The following SMURF1 variants were observed in gnomAD, a reference collection of about 807,000 sequenced individuals.
The protein encoded by SMURF1 is E3 ubiquitin-protein ligase SMURF1.
SMURF1 carries 44 observed loss-of-function variants against 98.0 expected under a neutral mutation model. The observed-to-expected ratio is 0.45, with a 90% CI of 0.35 to 0.58. The LOEUF is 0.58. SMURF1 is among the 20% of genes least tolerant of loss of function. SMURF1 has a pLI of 0.00. For missense variants in SMURF1, 687 were observed against 938.4 expected (o/e 0.73, Z 3.50); for synonymous variants, 396 against 374.9 (o/e 1.06, Z -0.65).
At chr7:99,040,233 CCT>C (rs1795320172) in intron 13 of SMURF1, 143 bp downstream of exon 13, 7 of 891,634 alleles carry the variant, frequency 7.9e-6, no homozygotes, top group South Asian at 3.8e-5. Flanking sequence ...CAAAAAATCC[CCT>C]TTTTTTGTTT....
intron 1 of SMURF1, among the ~76,000 whole-genome samples, chr7:99,108,595 G>A (rs1296034993): frequency 2.2e-5 from 2 of 89,158 alleles, no homozygotes; most frequent in African/African-American, 7.9e-5. Flanking sequence ...CTGGGCAATA[G>A]AGAGAAACTC....
intron 1 of SMURF1, among the ~76,000 whole-genome samples, chr7:99,115,631 A>T (rs1416558389): frequency 6.6e-6 from 1 of 152,142 alleles, no homozygotes; most frequent in African/African-American, 2.4e-5. Context: ...CTTAAAAAAA[A>T]ATACTATGAA....
chr7:99,081,625 T>G (rs1383590890), intron 1 of SMURF1, among the ~76,000 whole-genome samples: 1 of 152,154 alleles, frequency 6.6e-6, no homozygotes, highest in Non-Finnish European at 1.5e-5. Flanking sequence ...TTTCACCACA[T>G]TCTAGCCACC....
At chr7:99,051,032 T>G in intron 8 of SMURF1, 17 of 1,456,988 alleles carry the variant, frequency 1.2e-5, no homozygotes, top group Non-Finnish European at 1.4e-5. Context: ...AGAGAAAGGG[T>G]AACAGAGTCT....
In SMURF1 at chr7:99,046,731, CAAAAAAAAA is replaced by C. The variant is rs56788889; in HGVS notation, c.1153-939_1153-931del. 6.6e-3 allele frequency among the ~76,000 whole-genome samples: 490 copies of C among 74,674 alleles called. 8 individuals carry two copies. The highest frequency in any genetic ancestry group is 0.025 in the African/African-American group (466 of 18,444). 49.0% of individuals were successfully genotyped at this position (74,674 alleles called of 152,430 possible). ...TGGGCAACAGTGCAAGACTCCGTCT[CAAAAAAAAA>C]AAAAAAAAAAAAAACCCAAACAAAT... On this transcript the variant is annotated intron_variant, in intron 10 of 17. Transcript: ENST00000361368.
chr7:99,082,673 T>G (rs1796597828), intron 1 of SMURF1, among the ~76,000 whole-genome samples: 1 of 152,218 alleles, frequency 6.6e-6, no homozygotes, highest in Non-Finnish European at 1.5e-5. Flanking sequence ...TTGTTGTTTT[T>G]TCAGGACTGT....
At chr7:99,112,780 T>C (rs183889674) in intron 1 of SMURF1, among the ~76,000 whole-genome samples, 239 of 152,214 alleles carry the variant, frequency 1.6e-3, no homozygotes, top group African/African-American at 5.2e-3. Context: ...ATGAGAACAG[T>C]GTCTCAACAA....
intron 17 of SMURF1, 72 bp downstream of exon 17, chr7:99,032,951 CAAAAAAAAACAACA>C (rs1794967514): frequency 1.5e-5 from 20 of 1,334,404 alleles, no homozygotes; most frequent in East Asian, 1.5e-4. Flanking sequence ...GACTCCATCT[CAAAAAAAAACAACA>C]AAAAAAAAAC....
chr7:99,033,324 T>A (rs1794990427), intron 16 of SMURF1, among the ~76,000 whole-genome samples: 1 of 152,160 alleles, frequency 6.6e-6, no homozygotes, highest in Non-Finnish European at 1.5e-5. Flanking sequence ...TTCAGACACT[T>A]TTTTGAGACA....
In SMURF1 at chr7:99,057,566, C is replaced by A; in HGVS notation, c.204-15G>T. The A allele has an allele frequency of 6.6e-7, 1 of 1,518,662 alleles. No homozygotes were observed. Among genetic ancestry groups the A allele is most frequent in the Non-Finnish European group, 8.8e-7 (1 of 1,140,330 alleles). 94.1% of individuals were successfully genotyped at this position (1,518,662 alleles called of 1,614,324 possible). A position where few individuals can be genotyped will look rare whatever the true frequency, so the allele number is the denominator to read the frequency against. ...TCCCAACATATCTGGAAAGAAAGTG[C>A]AAAACTCATTTTTAATTGTGTTTGG... On this transcript the variant is annotated splice_polypyrimidine_tract_variant and intron_variant, in intron 3 of 17. Transcript: ENST00000361368.
At chr7:99,041,090 A>T (rs921216414) in intron 12 of SMURF1, among the ~76,000 whole-genome samples, 7 of 152,186 alleles carry the variant, frequency 4.6e-5, no homozygotes, top group Non-Finnish European at 7.4e-5. Context: ...GAAAATATGT[A>T]TGAGTAAGCC....
chr7:99,091,257 G>A (rs1037934882), intron 1 of SMURF1, among the ~76,000 whole-genome samples: 2 of 152,052 alleles, frequency 1.3e-5, no homozygotes, highest in African/African-American at 4.8e-5. Flanking sequence ...TTATTTATGC[G>A]GATCTGAAAC....
At chr7:99,120,554 C>T (rs1283109733) in intron 1 of SMURF1, 2 of 151,430 alleles carry the variant, frequency 1.3e-5, no homozygotes, top group African/African-American at 4.9e-5. Flanking sequence ...TCTACAATGG[C>T]AGAATCTCCC....
chr7:99,127,414 G>A (rs187437683), intron 1 of SMURF1, among the ~76,000 whole-genome samples: 184 of 152,184 alleles, frequency 1.2e-3, no homozygotes, highest in Non-Finnish European at 1.7e-3. Flanking sequence ...AAGCTCGGCC[G>A]GGCCTGGTGG....
chr7:99,036,845 G>A (rs553723909), intron 15 of SMURF1, among the ~76,000 whole-genome samples: 2 of 152,276 alleles, frequency 1.3e-5, no homozygotes, highest in South Asian at 4.1e-4. Context: ...CCGGGAGTTA[G>A]TCAGATTTCC....
chr7:99,128,357 C>T (rs755718978), intron 1 of SMURF1, among the ~76,000 whole-genome samples: 1 of 152,158 alleles, frequency 6.6e-6, no homozygotes, highest in Non-Finnish European at 1.5e-5. Flanking sequence ...GTCCCCAAAA[C>T]GGCTTCCGTA....
chr7:99,135,696 G>A (rs1797976224), intron 1 of SMURF1, among the ~76,000 whole-genome samples: 1 of 152,196 alleles, frequency 6.6e-6, no homozygotes, highest in South Asian at 2.1e-4. Flanking sequence ...AAACAATGCT[G>A]CAATGATTTT....
intron 16 of SMURF1, among the ~76,000 whole-genome samples, chr7:99,035,016 G>A (rs1273564060): frequency 6.6e-6 from 1 of 152,218 alleles, no homozygotes. Context: ...TGCCCTACAG[G>A]CAGATGGGCA....
chr7:99,114,404 T>A (rs1797395137), intron 1 of SMURF1, among the ~76,000 whole-genome samples: 1 of 152,064 alleles, frequency 6.6e-6, no homozygotes, highest in East Asian at 1.9e-4. Flanking sequence ...AAAATTGTTA[T>A]AAGGGACAAA....
Sources: allele counts gnomAD v4.1 joint callset (sites outside exome capture counted in the v4.1 genomes callset), GRCh38; gene constraint gnomAD v4.1.1; transcripts MANE v1.5; gene names NCBI Gene and HGNC (gene_info 2026-07-23, HGNC 2026-07-21).